The following LAMA2 variants were observed in gnomAD, a reference collection of about 807,000 sequenced individuals.
LAMA2 encodes the protein laminin subunit alpha-2.
LAMA2 carries 269 observed loss-of-function variants against 364.8 expected under a neutral mutation model. That is an observed-to-expected ratio of 0.74 (90% CI 0.67 to 0.82). The LOEUF (loss-of-function observed/expected upper bound fraction) is 0.82, where lower values mean the gene tolerates loss of function less well. Ranked by LOEUF, LAMA2 falls within the 40% of genes least tolerant of loss-of-function variation. The pLI is 0.00. For missense variants in LAMA2, 3,807 were observed against 3,873.2 expected (o/e 0.98, Z 0.45); for synonymous variants, 1,379 against 1,370.6 (o/e 1.01, Z -0.14).
chr6:129,428,906 C>G (rs2114742954), intron 41 of LAMA2, among the ~76,000 whole-genome samples: 1 of 152,258 alleles, frequency 6.6e-6, no homozygotes, highest in Non-Finnish European at 1.5e-5. Context: ...TCTCTTGTCT[C>G]CCATTTGAAT....
chr6:129,427,327 A>T (rs117615604), intron 40 of LAMA2, among the ~76,000 whole-genome samples: 1 of 152,126 alleles, frequency 6.6e-6, no homozygotes, highest in Non-Finnish European at 1.5e-5. Context: ...AAGTCAGGGG[A>T]TGTGTTTAGT....
At chr6:129,287,732 G>A (rs1789377892) in intron 18 of LAMA2, 115 bp from the exon 19 acceptor site, 2 of 909,524 alleles carry the variant, frequency 2.2e-6, no homozygotes, top group African/African-American at 1.6e-5. Flanking sequence ...TTTGAGAAAA[G>A]GAACACTTAA....
chr6:129,401,679 C>T (rs748862042), intron 38 of LAMA2, among the ~76,000 whole-genome samples: 8 of 152,152 alleles, frequency 5.3e-5, no homozygotes, highest in Non-Finnish European at 1.0e-4. Context: ...AATTTACAAA[C>T]AGGCTTTTAA....
At chr6:129,243,417 G>A (rs1216554045) in intron 12 of LAMA2, among the ~76,000 whole-genome samples, 3 of 151,908 alleles carry the variant, frequency 2.0e-5, no homozygotes, top group African/African-American at 2.4e-5. Flanking sequence ...TGGCCTTAAC[G>A]ATAAGAAACA....
At chr6:128,998,419 C>T (rs1467554055) in intron 1 of LAMA2, among the ~76,000 whole-genome samples, 1 of 128,804 alleles carries the variant, frequency 7.8e-6, no homozygotes, top group South Asian at 2.3e-4. Flanking sequence ...ATAGGAACAG[C>T]TCCGCTCTAC....
At chr6:129,203,932 C>T (rs192336058) in intron 12 of LAMA2, among the ~76,000 whole-genome samples, 64 of 152,224 alleles carry the variant, frequency 4.2e-4, no homozygotes, top group African/African-American at 8.4e-4. Context: ...AGAAGCTGTC[C>T]GATAAATGCC....
chr6:129,099,125 G>GTTTTTT (rs370334822), intron 4 of LAMA2, among the ~76,000 whole-genome samples: 6 of 129,796 alleles, frequency 4.6e-5, no homozygotes, highest in Non-Finnish European at 7.9e-5. Flanking sequence ...TTTTTTTTTT[G>GTTTTTT]TTTTTTTTTT....
chr6:129,406,336 T>A (rs1327102041), intron 40 of LAMA2, among the ~76,000 whole-genome samples: 1 of 152,224 alleles, frequency 6.6e-6, no homozygotes, highest in East Asian at 1.9e-4. Context: ...GAGTAATAGC[T>A]ACTTGTCTTG....
chr6:128,954,488 A>C (rs1163766054), intron 1 of LAMA2, among the ~76,000 whole-genome samples: 1 of 152,076 alleles, frequency 6.6e-6, no homozygotes, highest in East Asian at 1.9e-4. Context: ...AAATACCTGC[A>C]TCAGCAGACA....
chr6:129,476,786 C>T (rs1784085973), intron 53 of LAMA2, among the ~76,000 whole-genome samples: 1 of 144,930 alleles, frequency 6.9e-6, no homozygotes, highest in South Asian at 2.3e-4. Flanking sequence ...TACAGTTGGG[C>T]ATGTTCTTTA....
chr6:129,288,655 T>C (rs1203389887), intron 19 of LAMA2, among the ~76,000 whole-genome samples: 1 of 152,194 alleles, frequency 6.6e-6, no homozygotes, highest in Non-Finnish European at 1.5e-5. Context: ...TTCCACAAAA[T>C]TAGCTACTCT....
intron 13 of LAMA2, among the ~76,000 whole-genome samples, chr6:129,251,074 C>CTATATATATATA (rs1194499275): frequency 3.3e-5 from 2 of 60,532 alleles, no homozygotes; most frequent in African/African-American, 1.1e-4. Context: ...CTCTCTCTCT[C>CTATATATATATA]TCTATATATA....
At chr6:129,087,126 C>T (rs758508347) in intron 3 of LAMA2, among the ~76,000 whole-genome samples, 1 of 152,108 alleles carries the variant, frequency 6.6e-6, no homozygotes, top group African/African-American at 2.4e-5. Context: ...GTTCCCTTTG[C>T]CATAAAAAGG....
chr6:129,392,971 A>G (rs1297402639), intron 36 of LAMA2, 74 bp from the exon 37 acceptor site: 14 of 1,136,534 alleles, frequency 1.2e-5, no homozygotes, highest in South Asian at 2.6e-5. Context: ...TCTTTGTAAC[A>G]TGGTTTAATA....
chr6:129,118,275 AAAAT>A (rs1274247290), intron 4 of LAMA2, among the ~76,000 whole-genome samples: 1 of 152,226 alleles, frequency 6.6e-6, no homozygotes, highest in Non-Finnish European at 1.5e-5. Flanking sequence ...TTTGAAGTAA[AAAAT>A]AAAAAACAAA....
chr6:129,446,344 A>G (rs1782373557), intron 45 of LAMA2, among the ~76,000 whole-genome samples: 1 of 151,304 alleles, frequency 6.6e-6, no homozygotes, highest in African/African-American at 2.4e-5. Context: ...TTTGGAGTAG[A>G]TAGGAAATAG....
Position 128,883,329 on chromosome 6 carries a change from G to C in LAMA2, c.84G>C (p.Gln28His). 2 of 1,599,070 alleles carry C rather than the reference G, an allele frequency of 1.3e-6. No individual in the cohort carries two copies. The highest frequency in any genetic ancestry group is 1.3e-5 in the African/African-American group (1 of 74,868). ...TACAGGCGCAGCGGCCGCAGCAGCA[G>C]CGGCAGTCACAGGCACATCAGCAAA... ...GGVQAQRPQQ[Q>H]RQSQAHQQRG... Residue 28 changes from glutamine to histidine, a missense_variant, in exon 1 of 65, where the codon CAG (glutamine) becomes CAC (histidine). Transcript: ENST00000421865.
At chr6:129,177,399 T>C (rs1448204693) in intron 9 of LAMA2, among the ~76,000 whole-genome samples, 3 of 152,196 alleles carry the variant, frequency 2.0e-5, no homozygotes, top group African/African-American at 7.2e-5. Flanking sequence ...AGCATTAGCG[T>C]TTGTGGAAAT....
At chr6:129,321,769 T>A (rs1170175619) in intron 28 of LAMA2, among the ~76,000 whole-genome samples, 2 of 152,220 alleles carry the variant, frequency 1.3e-5, no homozygotes, top group Admixed American at 1.3e-4. Context: ...AAATAGGATT[T>A]GAGAAGTTGT....
Sources: allele counts gnomAD v4.1 joint callset (sites outside exome capture counted in the v4.1 genomes callset), GRCh38; gene constraint gnomAD v4.1.1; transcripts MANE v1.5; gene names NCBI Gene and HGNC (gene_info 2026-07-23, HGNC 2026-07-21).